The following IMMP2L variants were observed in gnomAD, a reference collection of about 807,000 sequenced individuals.
IMMP2L encodes inner mitochondrial membrane peptidase subunit 2.
Under a neutral mutation model 19.3 loss-of-function variants are expected in IMMP2L, and 18 were observed. That is an observed-to-expected ratio of 0.93 (90% CI 0.64 to 1.38). The LOEUF is 1.38. Ranked by LOEUF, IMMP2L falls within the 40% of genes most tolerant of loss-of-function variation. The pLI is 0.00. For missense variants in IMMP2L, 233 were observed against 218.2 expected (o/e 1.07, Z -0.43); for synonymous variants, 76 against 73.0 (o/e 1.04, Z -0.21).
At chr7:111,340,908 T>C (rs1038876251) in intron 3 of IMMP2L, among the ~76,000 whole-genome samples, 3 of 152,068 alleles carry the variant, frequency 2.0e-5, no homozygotes, top group Admixed American at 6.6e-5. Flanking sequence ...AAAAGTCATC[T>C]GGGTAAAGAC....
At chr7:110,826,582 C>T (rs1803514140) in intron 5 of IMMP2L, among the ~76,000 whole-genome samples, 1 of 151,904 alleles carries the variant, frequency 6.6e-6, no homozygotes, top group South Asian at 2.1e-4. Context: ...CAAACTATCG[C>T]AAGGACAGAA....
At chr7:111,288,330 A>T (rs1820722390) in intron 3 of IMMP2L, among the ~76,000 whole-genome samples, 1 of 152,184 alleles carries the variant, frequency 6.6e-6, no homozygotes, top group Non-Finnish European at 1.5e-5. Flanking sequence ...AAACCATAAA[A>T]ACCCTAGAAG....
chr7:111,501,561 G>C (rs1242458837), intron 2 of IMMP2L, among the ~76,000 whole-genome samples: 1 of 152,068 alleles, frequency 6.6e-6, no homozygotes, highest in African/African-American at 2.4e-5. Context: ...AAATGTTAAG[G>C]GCAGCCAGAG....
At chr7:110,794,540 A>T (rs543329718) in intron 5 of IMMP2L, among the ~76,000 whole-genome samples, 1 of 152,252 alleles carries the variant, frequency 6.6e-6, no homozygotes, top group East Asian at 1.9e-4. Context: ...AAATGCGATC[A>T]TCATATATTC....
At chr7:110,724,547 T>C (rs1795770865) in intron 5 of IMMP2L, 1 of 152,160 alleles carries the variant, frequency 6.6e-6, no homozygotes, top group East Asian at 1.9e-4. Flanking sequence ...TAAAGTAATG[T>C]TGCAGCTTCT....
chr7:111,469,601 C>G (rs1370296278), intron 3 of IMMP2L, among the ~76,000 whole-genome samples: 1 of 151,982 alleles, frequency 6.6e-6, no homozygotes, highest in Non-Finnish European at 1.5e-5. Flanking sequence ...TTTGACAAAC[C>G]TGACAAAAAC....
At chr7:110,750,853 G>A (rs1797673951) in intron 5 of IMMP2L, among the ~76,000 whole-genome samples, 2 of 151,908 alleles carry the variant, frequency 1.3e-5, no homozygotes, top group South Asian at 4.2e-4. Context: ...AATCCCCTTA[G>A]TAATCCAAAC....
At chr7:111,000,488 T>G (rs1823541624) in intron 3 of IMMP2L, among the ~76,000 whole-genome samples, 1 of 152,174 alleles carries the variant, frequency 6.6e-6, no homozygotes, top group Non-Finnish European at 1.5e-5. Context: ...GGGACTTCAT[T>G]TTGAAAATAC....
chr7:110,906,513 G>A (rs1185894540), intron 4 of IMMP2L, among the ~76,000 whole-genome samples: 1 of 152,146 alleles, frequency 6.6e-6, no homozygotes, highest in East Asian at 1.9e-4. Flanking sequence ...GGTTGGAAAA[G>A]AGAACCAAAT....
At chr7:111,241,326 A>G (rs184027734) in intron 3 of IMMP2L, among the ~76,000 whole-genome samples, 18 of 152,136 alleles carry the variant, frequency 1.2e-4, no homozygotes, top group African/African-American at 4.1e-4. Context: ...AAACACATTC[A>G]CCACTGTCTT....
intron 3 of IMMP2L, among the ~76,000 whole-genome samples, chr7:110,993,470 TTTC>T (rs1305066146): frequency 6.6e-6 from 1 of 152,086 alleles, no homozygotes; most frequent in African/African-American, 2.4e-5. Context: ...CCAATGAGGA[TTTC>T]TTCTATGTAG....
chr7:111,042,454 T>A (rs1201356218), intron 3 of IMMP2L, among the ~76,000 whole-genome samples: 2 of 152,242 alleles, frequency 1.3e-5, no homozygotes, highest in Non-Finnish European at 2.9e-5. Context: ...GTGTTGGGAT[T>A]ACAGGCGTGA....
chr7:111,359,553 C>T (rs771351616), intron 3 of IMMP2L, among the ~76,000 whole-genome samples: 6 of 152,134 alleles, frequency 3.9e-5, no homozygotes, highest in Non-Finnish European at 8.8e-5. Flanking sequence ...CCACCTGCCT[C>T]AGCCTCCCAA....
At chr7:110,963,068 T>C (rs955983565) in intron 4 of IMMP2L, 3 of 1,527,494 alleles carry the variant, frequency 2.0e-6, no homozygotes, top group African/African-American at 1.4e-5. Context: ...CTGTTTCATA[T>C]CCTTTTCAGT....
At chr7:111,050,280 A>T (rs1410330651) in intron 3 of IMMP2L, among the ~76,000 whole-genome samples, 1 of 152,178 alleles carries the variant, frequency 6.6e-6, no homozygotes, top group Non-Finnish European at 1.5e-5. Flanking sequence ...TTGAAGCCAA[A>T]TTCACCATAT....
chr7:110,875,818 C>G (rs142936642), intron 5 of IMMP2L, among the ~76,000 whole-genome samples: 1 of 152,208 alleles, frequency 6.6e-6, no homozygotes, highest in East Asian at 1.9e-4. Context: ...TAGTTAATGA[C>G]TATTATTTTT....
intron 3 of IMMP2L, among the ~76,000 whole-genome samples, chr7:110,984,707 T>C (rs755521076): frequency 2.6e-4 from 39 of 152,116 alleles, no homozygotes; most frequent in Admixed American, 5.9e-4. Flanking sequence ...TAGTCGGGGC[T>C]TAACCTAATT....
At chr7:111,235,396 G>A (rs905783892) in intron 3 of IMMP2L, among the ~76,000 whole-genome samples, 12 of 151,806 alleles carry the variant, frequency 7.9e-5, no homozygotes, top group Admixed American at 7.2e-4. Context: ...GCTTGAACTT[G>A]GGAAGTGGAG....
At chr7:110,798,636 A>C (rs1260364357) in intron 5 of IMMP2L, among the ~76,000 whole-genome samples, 1 of 151,982 alleles carries the variant, frequency 6.6e-6, no homozygotes, top group Non-Finnish European at 1.5e-5. Flanking sequence ...ACTAAATTTA[A>C]AGCCAAATAG....
Sources: gnomAD v4.1 joint callset for allele counts (sites outside exome capture counted in the v4.1 genomes callset) on GRCh38, gnomAD v4.1.1 for gene constraint, MANE v1.5 for transcripts, NCBI Gene and HGNC (gene_info 2026-07-23, HGNC 2026-07-21) for gene names.